SORCS2: variants seen among roughly 807,000 people sequenced by gnomAD.
SORCS2 encodes the protein sortilin related VPS10 domain containing receptor 2.
Under a neutral mutation model 141.6 loss-of-function variants are expected in SORCS2, and 100 were observed. The ratio of observed to expected loss-of-function variants is 0.71; its 90% CI spans 0.60 to 0.83. SORCS2 has a LOEUF of 0.83. SORCS2 is among the 40% of genes least tolerant of loss of function. The pLI, the probability that SORCS2 is intolerant of heterozygous loss-of-function variation, is 0.00. For synonymous variants in SORCS2, 789 were observed against 676.9 expected, an observed-to-expected ratio of 1.17 and a Z score of -2.57; for missense variants, 1,646 against 1,560.2, an observed-to-expected ratio of 1.05 and a Z score of -0.93.
chr4:7,470,921 TGAG>T lies in SORCS2; in HGVS notation c.549-60601_549-60599del, dbSNP rs536286443. On this transcript the variant is annotated intron_variant, in intron 2 of 26. Coordinates refer to ENST00000507866, the MANE Select transcript of SORCS2 (RefSeq NM_020777.3). ...TTGCAGGGAGGTGATGTCAGAGTGA[TGAG>T]GAGGAGGCAGATGAGAGTGGGTGGG... Among the ~76,000 whole-genome samples the T allele has an allele frequency of 2.2e-4, 33 of 150,910 alleles. No individual in the cohort carries two copies. The South Asian group carries it at 6.4e-3, about 29-fold the overall frequency.
At chr4:7,226,540 G>C (rs1729003491) in intron 1 of SORCS2, among the ~76,000 whole-genome samples, 2 of 152,188 alleles carry the variant, frequency 1.3e-5, no homozygotes, top group Admixed American at 6.5e-5. Context: ...GGAACAGGCG[G>C]CGGGCAGAGG....
At chr4:7,414,831 AC>A (rs1482236396) in intron 2 of SORCS2, among the ~76,000 whole-genome samples, 1 of 152,108 alleles carries the variant, frequency 6.6e-6, no homozygotes, top group East Asian at 1.9e-4. Flanking sequence ...ATTCCTGGGA[AC>A]TTCATACATG....
intron 3 of SORCS2, among the ~76,000 whole-genome samples, chr4:7,578,230 A>T (rs1016852631): frequency 6.6e-6 from 1 of 152,230 alleles, no homozygotes; most frequent in Non-Finnish European, 1.5e-5. Context: ...CATGAGTTGA[A>T]GTAGCCTGAG....
chr4:7,399,059 C>CT (rs5855960), intron 2 of SORCS2, among the ~76,000 whole-genome samples: 32,285 of 151,954 alleles, frequency 0.21, 4,342 homozygotes, highest in Middle Eastern at 0.38. Flanking sequence ...CTTTAATTTG[C>CT]TTTTTTTTTG....
intron 14 of SORCS2, among the ~76,000 whole-genome samples, chr4:7,705,231 C>T (rs747682611): frequency 7.9e-5 from 12 of 152,074 alleles, no homozygotes; most frequent in Non-Finnish European, 1.6e-4. Context: ...CCAGGAACAC[C>T]CAGGGCCCCC....
rs1719448921 is a variant in SORCS2 at position 7,625,335 on chromosome 4, T to C, written c.649-12993T>C. The stretch of plus-strand genomic sequence containing the variant: ...GCCAACATCATGGCTCACAAATTGT[T>C]TGGTCTTGAGTGGGTCATCTCACCA... On this transcript the variant is annotated intron_variant, in intron 3 of 26. Coordinates refer to ENST00000507866, the MANE Select transcript of SORCS2 (RefSeq NM_020777.3). 2.0e-5 allele frequency among the ~76,000 whole-genome samples: 3 copies of C among 152,000 alleles called. No homozygotes were observed. In the South Asian group the frequency reaches 6.2e-4, roughly 32 times the overall value.
chr4:7,720,733 A>G (rs1726530328), intron 18 of SORCS2, among the ~76,000 whole-genome samples: 1 of 152,246 alleles, frequency 6.6e-6, no homozygotes, highest in South Asian at 2.1e-4. Flanking sequence ...ACAGGTAAGC[A>G]CACGAAAAGA....
chr4:7,370,553 T>C (rs754625254), intron 1 of SORCS2, among the ~76,000 whole-genome samples: 3 of 152,274 alleles, frequency 2.0e-5, no homozygotes, highest in Non-Finnish European at 4.4e-5. Flanking sequence ...GGCTGACTAA[T>C]ATTTTATTGA....
rs564061841 is a variant in SORCS2, at chr4:7,221,411, C to T, written c.480+28285C>T. Among the ~76,000 whole-genome samples the T allele has an allele frequency of 1.2e-3, 183 of 152,298 alleles. 1 individual carries two copies. Among genetic ancestry groups the T allele is most frequent in the Non-Finnish European group, 1.6e-3 (112 of 68,028 alleles). The stretch of plus-strand genomic sequence containing the variant: ...CCCCAGGTGAGCCTTTTTCAGGCTG[C>T]GTGACCAGCGGAACCAGAGACCGCC... On this transcript the variant is annotated intron_variant, in intron 1 of 26. Coordinates refer to ENST00000507866, the MANE Select transcript of SORCS2 (RefSeq NM_020777.3).
chr4:7,735,149 C>T (rs139835550), intron 25 of SORCS2, among the ~76,000 whole-genome samples: 1,821 of 152,344 alleles, frequency 0.012, 30 homozygotes, highest in African/African-American at 0.041. Context: ...CCTGCAAACG[C>T]AGCTCCCAGA....
intron 1 of SORCS2, among the ~76,000 whole-genome samples, chr4:7,317,641 T>C (rs1306854130): frequency 1.3e-5 from 2 of 152,178 alleles, no homozygotes; most frequent in Non-Finnish European, 2.9e-5. Context: ...GAGGAATCAA[T>C]GTTTCTTCAC....
At chr4:7,496,930 C>T (rs6836467) in intron 2 of SORCS2, among the ~76,000 whole-genome samples, 134,875 of 152,146 alleles carry the variant, frequency 0.89, 61,464 homozygotes, top group South Asian at 0.99. Flanking sequence ...ACCCAGTGCC[C>T]GTGCAGAGGT....
intron 1 of SORCS2, among the ~76,000 whole-genome samples, chr4:7,294,126 G>A (rs918967616): frequency 1.3e-5 from 2 of 152,154 alleles, no homozygotes; most frequent in African/African-American, 4.8e-5. Context: ...GGTTAGTTAC[G>A]TCTCATCAGC....
intron 1 of SORCS2, among the ~76,000 whole-genome samples, chr4:7,221,937 A>C (rs1354645140): frequency 6.6e-6 from 1 of 152,214 alleles, no homozygotes; most frequent in African/African-American, 2.4e-5. Flanking sequence ...ATTTTTTAGC[A>C]TGGGAGAGAG....
At chr4:7,232,510 C>T (rs757656180) in intron 1 of SORCS2, among the ~76,000 whole-genome samples, 15 of 152,196 alleles carry the variant, frequency 9.9e-5, no homozygotes, top group Non-Finnish European at 1.9e-4. Flanking sequence ...ATCATCTCTA[C>T]AGCCCCCTGG....
intron 2 of SORCS2, among the ~76,000 whole-genome samples, chr4:7,491,218 G>A (rs1305541119): frequency 6.6e-6 from 1 of 152,152 alleles, no homozygotes; most frequent in African/African-American, 2.4e-5. Flanking sequence ...GGCACATGCT[G>A]TTCCCTTTGC....
chr4:7,507,720 T>C (rs1259952518), intron 2 of SORCS2, among the ~76,000 whole-genome samples: 1 of 146,426 alleles, frequency 6.8e-6, no homozygotes, highest in African/African-American at 2.5e-5. Context: ...TGGGGAAAAA[T>C]GTCAGTGGTC....
chr4:7,253,761 A>AG (rs1463050705), intron 1 of SORCS2, among the ~76,000 whole-genome samples: 2 of 152,232 alleles, frequency 1.3e-5, no homozygotes, highest in African/African-American at 4.8e-5. Context: ...GGTGGGCAGG[A>AG]GGCCCCTGCC....
chr4:7,463,325 G>A (rs981267550), intron 2 of SORCS2, among the ~76,000 whole-genome samples: 9 of 152,166 alleles, frequency 5.9e-5, no homozygotes, highest in African/African-American at 1.9e-4. Flanking sequence ...ACTGGACATA[G>A]TCCAGCTGTG....
Sources: gnomAD v4.1 joint callset for allele counts (sites outside exome capture counted in the v4.1 genomes callset) on GRCh38, gnomAD v4.1.1 for gene constraint, MANE v1.5 for transcripts, NCBI Gene and HGNC (gene_info 2026-07-23, HGNC 2026-07-21) for gene names.